Variants in TBRG1 observed in about 807,000 individuals in gnomAD.
TBRG1 encodes nuclear interactor of ARF and MDM2.
Under a neutral mutation model 44.0 loss-of-function variants are expected in TBRG1, and 31 were observed. That is an observed-to-expected ratio of 0.70 (90% CI 0.53 to 0.95). The LOEUF (loss-of-function observed/expected upper bound fraction) is 0.95, where lower values mean the gene tolerates loss of function less well. Among genes scored for constraint, TBRG1 ranks in the 40% least tolerant of loss-of-function variants. The pLI is 0.00. For missense variants in TBRG1, 487 were observed against 496.1 expected, an observed-to-expected ratio of 0.98 and a Z score of 0.18; for synonymous variants, 171 against 188.1, an observed-to-expected ratio of 0.91 and a Z score of 0.74.
intron 8 of TBRG1, chr11:124,631,890 T>C (rs1942622125): frequency 1.1e-5 from 6 of 534,218 alleles, no homozygotes; most frequent in Admixed American, 3.3e-5. Flanking sequence ...TTGCCTAATA[T>C]ACTATATAAC....
intron 7 of TBRG1, 46 bp from the exon 8 acceptor site, chr11:124,631,229 A>C (rs1190231237): frequency 6.6e-7 from 1 of 1,515,886 alleles, no homozygotes; most frequent in Non-Finnish European, 8.8e-7. Context: ...ATGGGTATTT[A>C]TGTCTAGCAG....
chr11:124,630,219 C>T, intron 5 of TBRG1, 169 bp from the exon 6 acceptor site: 1 of 592,376 alleles, frequency 1.7e-6, no homozygotes, highest in Non-Finnish European at 3.1e-6. Context: ...TCTCTAGGTA[C>T]TTGGATTTGT....
rs902787825 is a variant in TBRG1, at chr11:124,632,511, A to C, written c.*273A>C. On this transcript the variant is annotated 3_prime_UTR_variant, in exon 9 of 9. Coordinates refer to ENST00000441174, the MANE Select transcript of TBRG1 (RefSeq NM_032811.3). ...CTCTGCCTGAGGTAAAGTAAACTTC[A>C]GCCTCTTATAAACAAGAGTGATAGA... 4.8e-5 allele frequency: 14 copies of C among 288,944 alleles called. No individual in the cohort carries two copies. The highest frequency in any genetic ancestry group is 3.1e-4 in the African/African-American group (14 of 45,222). 17.9% of individuals were successfully genotyped at this position (288,944 alleles called of 1,614,324 possible). A position where few individuals can be genotyped will look rare whatever the true frequency, so the allele number is the denominator to read the frequency against.
intron 1 of TBRG1, among the ~76,000 whole-genome samples, chr11:124,624,363 CAAAAAAAA>C (rs61352898): frequency 2.4e-5 from 2 of 83,604 alleles, no homozygotes; most frequent in East Asian, 3.8e-4. Flanking sequence ...TCATCATTTA[CAAAAAAAA>C]AAAAAAAAAA....
At chr11:124,627,281 C>A (rs1053123078) in intron 5 of TBRG1, among the ~76,000 whole-genome samples, 5 of 152,176 alleles carry the variant, frequency 3.3e-5, no homozygotes, top group African/African-American at 7.2e-5. Flanking sequence ...TTCTCTTGAA[C>A]CATGCTACTT....
At chr11:124,631,815 G>GTTC (rs937449946) in intron 8 of TBRG1, 31 of 447,964 alleles carry the variant, frequency 6.9e-5, no homozygotes, top group African/African-American at 5.7e-4. Flanking sequence ...GTGATCAAGG[G>GTTC]TTCAGGCTTT....
intron 2 of TBRG1, 111 bp from the exon 3 acceptor site, chr11:124,625,560 G>C: frequency 1.1e-6 from 1 of 940,912 alleles, no homozygotes; most frequent in Non-Finnish European, 1.6e-6. Flanking sequence ...TTTCTTTTAT[G>C]AGTATAGTAA....
chr11:124,628,108 TATATATATACACACAC>T (rs1365793988), intron 5 of TBRG1, among the ~76,000 whole-genome samples: 21 of 52,440 alleles, frequency 4.0e-4, no homozygotes, highest in East Asian at 1.5e-3. Flanking sequence ...TATATATATA[TATATATATACACACAC>T]ACACACACAC....
chr11:124,628,445 G>A (rs1049491307), intron 5 of TBRG1, among the ~76,000 whole-genome samples: 9 of 146,258 alleles, frequency 6.2e-5, no homozygotes, highest in Admixed American at 2.1e-4. Flanking sequence ...TAAAACACAA[G>A]CAATAAACAG....
In TBRG1 at chr11:124,624,137, A is replaced by G. The variant is rs556025343; in HGVS notation, c.151-794A>G. ...TAAAACTAAGAGAACTTAGCATCTG[A>G]TTGACTGTTCCCTTTCTTTTATCCC... On this transcript the variant is annotated intron_variant, in intron 1 of 8. Transcript: ENST00000441174. Among the ~76,000 whole-genome samples the G allele has an allele frequency of 9.8e-5, 15 of 152,316 alleles. No individual in the cohort carries two copies. In the South Asian group the frequency reaches 1.9e-3, roughly 19 times the overall value.
chr11:124,628,505 A>G (rs1942534700), intron 5 of TBRG1, among the ~76,000 whole-genome samples: 1 of 147,474 alleles, frequency 6.8e-6, no homozygotes, highest in Non-Finnish European at 1.5e-5. Flanking sequence ...GCTCCTGTAG[A>G]GTAGGAAAAA....
chr11:124,624,380 A>AAG (rs1942410636), intron 1 of TBRG1, among the ~76,000 whole-genome samples: 1 of 122,020 alleles, frequency 8.2e-6, no homozygotes, highest in African/African-American at 6.9e-5. Flanking sequence ...AAAAAAAAAA[A>AAG]AAAGAAAAAA....
In TBRG1 at chr11:124,626,654, C is replaced by T. The variant is rs572228563; in HGVS notation, c.591+45C>T. 490 of 1,547,720 alleles carry T rather than the reference C, an allele frequency of 3.2e-4. 6 individuals carry two copies. The South Asian group carries it at 5.6e-3, about 18-fold the overall frequency. On this transcript the variant is annotated intron_variant, in intron 4 of 8. Coordinates refer to ENST00000441174, the MANE Select transcript of TBRG1 (RefSeq NM_032811.3). ...TATAGAGAGGAGAATCAGGGAAATA[C>T]GGGAATGGGGTTGAGCCTTCCCTCC...
rs985326963 is a variant in TBRG1 at position 124,629,153 on chromosome 11, A to G, written c.739-1235A>G. On this transcript the variant is annotated intron_variant, in intron 5 of 8. Coordinates refer to ENST00000441174, the MANE Select transcript of TBRG1 (RefSeq NM_032811.3). ...ATGACAAATACTAAATAGTAGAGCAATCCTGGACTATTTGAAATTAATTAC... is the reference window on the plus strand; with the variant it reads ...ATGACAAATACTAAATAGTAGAGCAGTCCTGGACTATTTGAAATTAATTAC... Among the ~76,000 whole-genome samples, 18 of 152,304 alleles carry G rather than the reference A, an allele frequency of 1.2e-4. No homozygotes were observed. The East Asian group carries it at 2.1e-3, about 18-fold the overall frequency.
chr11:124,625,624 G>C (rs577485645), intron 2 of TBRG1, 47 bp from the exon 3 acceptor site: 2 of 1,508,074 alleles, frequency 1.3e-6, no homozygotes, highest in Admixed American at 4.4e-5. Context: ...ACTGAATTGA[G>C]ACAATACGGA....
rs772291071 is a variant in TBRG1, at chr11:124,627,045, C to T, written c.733C>T (p.Pro245Ser). 2 of 1,539,832 alleles carry T rather than the reference C, an allele frequency of 1.3e-6. No individual in the cohort carries two copies. The highest frequency in any genetic ancestry group is 1.8e-6 in the Non-Finnish European group (2 of 1,135,806). The change falls in exon 5 of 9, where the codon CCT (proline) becomes TCT (serine). Residue 245 changes from proline (P) to serine (S), a missense_variant. Pro to Ser is a moderately conservative substitution (Grantham distance 74). Transcript: ENST00000441174. The stretch of plus-strand genomic sequence containing the variant: ...TCAGATCAAGGATGGTGGTGTGCAG[C>T]CTCAGGTACCCCCTCTAATAATAAC... The part of the protein sequence containing the change: ...TCQIKDGGVQ[P>S]QFEIVPEDDP...
chr11:124,632,103 C>T lies in TBRG1; in HGVS notation c.1101C>T (p.Asp367=). 1 of 1,613,580 alleles carries T rather than the reference C, an allele frequency of 6.2e-7. No homozygotes were observed. Among genetic ancestry groups the T allele is most frequent in the Non-Finnish European group, 8.5e-7 (1 of 1,179,608 alleles). Residue 367 remains aspartate, a synonymous_variant, in exon 9 of 9, where the codon GAC becomes GAT. Transcript: ENST00000441174. ...AATTGTTTTCTCCAGGATCCTTGGA[C>T]CTCCCAGAGCTTCAGCCTGCAGCCT... ...QNDPLLPGSL[D]LPELQPAAFV...
At position 124,635,160 on chromosome 11, in the gene TBRG1, G is replaced by A. The variant is rs1942697581; in HGVS notation, c.*2922G>A. 1 of 152,180 alleles carries A rather than the reference G, an allele frequency of 6.6e-6. No individual in the cohort carries two copies. The allele number at this position is 152,180 out of a possible 1,614,324, so 9.4% of individuals were successfully genotyped here. Reference sequence around the variant, plus strand: ...TGCCCCCGAATTAGAACAGCCCATGGGGGTATGTGTATTGGGAGTGGAGGA... The same window carrying A: ...TGCCCCCGAATTAGAACAGCCCATGAGGGTATGTGTATTGGGAGTGGAGGA... On this transcript the variant is annotated 3_prime_UTR_variant, in exon 9 of 9. Transcript: ENST00000441174.
intron 1 of TBRG1, 113 bp downstream of exon 1, chr11:124,623,346 C>T (rs1335131067): frequency 1.7e-6 from 2 of 1,204,814 alleles, no homozygotes; most frequent in Middle Eastern, 1.9e-4. Context: ...TTGGCTTTTC[C>T]GTATACGTTA....
Sources: gnomAD v4.1 joint callset for allele counts (sites outside exome capture counted in the v4.1 genomes callset) on GRCh38, gnomAD v4.1.1 for gene constraint, MANE v1.5 for transcripts, NCBI Gene and HGNC (gene_info 2026-07-23, HGNC 2026-07-21) for gene names.